Variants in SPATA13 observed in about 807,000 individuals in gnomAD.
The protein encoded by SPATA13 is spermatogenesis associated 13, also known as spermatogenesis-associated protein 13.
In SPATA13, 50 loss-of-function variants were observed where a neutral mutation model predicts 104.0. The observed-to-expected ratio is 0.48, with a 90% CI of 0.38 to 0.61. The LOEUF is 0.61. Among genes scored for constraint, SPATA13 ranks in the 20% least tolerant of loss-of-function variants. The probability of loss-of-function intolerance (pLI) is 0.00; values close to 1 mark genes in which losing one functional copy is unlikely to be tolerated. For missense variants in SPATA13, 1,524 were observed against 1,690.6 expected (o/e 0.90, Z 1.73); for synonymous variants, 606 against 667.5 (o/e 0.91, Z 1.42).
chr13:24,029,345 A>G (rs892815720), intron 3 of SPATA13, among the ~76,000 whole-genome samples: 3 of 150,868 alleles, frequency 2.0e-5, no homozygotes, highest in South Asian at 4.2e-4. Flanking sequence ...TCTATTTAAT[A>G]TAAACATTTT....
intron 3 of SPATA13, among the ~76,000 whole-genome samples, chr13:24,078,955 C>T (rs935570277): frequency 6.6e-6 from 1 of 152,212 alleles, no homozygotes; most frequent in African/African-American, 2.4e-5. Flanking sequence ...GAAAAACAGA[C>T]AACTGTATCA....
At chr13:24,184,644 A>G (rs781511804) in intron 1 of SPATA13, among the ~76,000 whole-genome samples, 4 of 152,156 alleles carry the variant, frequency 2.6e-5, no homozygotes, top group Non-Finnish European at 5.9e-5. Flanking sequence ...CACTAATCAC[A>G]GTGAGGAGTT....
In SPATA13 at chr13:24,297,740, G is replaced by A; in HGVS notation, c.3583+5G>A. The stretch of plus-strand genomic sequence containing the variant: ...TGCAAGAGGACAAGGAGATGGGTGA[G>A]CAGCCCTTGGCTCTGCAGGCACCTG... On this transcript the variant is annotated splice_donor_5th_base_variant and intron_variant, in intron 11 of 12. Transcript: ENST00000382108. The A allele has an allele frequency of 6.2e-7, 1 of 1,603,092 alleles. No individual in the cohort carries two copies. The highest frequency in any genetic ancestry group is 1.1e-5 in the South Asian group (1 of 90,130).
At position 24,223,270 on chromosome 13, in the gene SPATA13, T is replaced by A. The variant is rs1871710101; in HGVS notation, c.341T>A (p.Phe114Tyr). The A allele has an allele frequency of 5.8e-6, 9 of 1,551,610 alleles. No homozygotes were observed. Among genetic ancestry groups the A allele is most frequent in the Non-Finnish European group, 7.0e-6 (8 of 1,146,982 alleles). Residue 114 changes from phenylalanine to tyrosine, a missense_variant, in exon 2 of 13, where the codon TTT (phenylalanine) becomes TAT (tyrosine). By Grantham distance (22) the Phe-to-Tyr change is conservative (BLOSUM62 3). Around this residue, in one of 2 missense-constraint regions of SPATA13, gnomAD observed 1,089 missense variants for 1,135.9 expected, o/e 0.96. Coordinates refer to ENST00000382108, the MANE Select transcript of SPATA13 (RefSeq NM_001166271.3). ...TLASFRKMGS[F>Y]KKLKSSVLKG... ...GCCTCCTTCCGGAAAATGGGATCCT[T>A]TAAGAAACTGAAGTCCTCAGTCCTG...
At chr13:23,990,060 A>T (rs964214489) in intron 2 of SPATA13, among the ~76,000 whole-genome samples, 25 of 152,176 alleles carry the variant, frequency 1.6e-4, no homozygotes, top group African/African-American at 5.8e-4. Context: ...GAGTAAGACA[A>T]CTGCCAACCA....
intron 1 of SPATA13, among the ~76,000 whole-genome samples, chr13:24,219,521 G>A (rs1430030995): frequency 6.6e-6 from 1 of 152,244 alleles, no homozygotes; most frequent in Non-Finnish European, 1.5e-5. Flanking sequence ...AGACAAGGCA[G>A]GATAACTGAT....
rs564819674 is a variant in SPATA13, at chr13:24,249,472, G to A, written c.1654-5G>A. 3 of 1,541,382 alleles carry A rather than the reference G, an allele frequency of 1.9e-6. No homozygotes were observed. The highest frequency in any genetic ancestry group is 2.8e-5 in the African/African-American group (2 of 72,640). ...GAGCTCACCTGACCTGTTCGCATTT[G>A]AAAGGTCGTCCCTGATGGCCCCTGG... On this transcript the variant is annotated splice_region_variant and splice_polypyrimidine_tract_variant and intron_variant, in intron 2 of 12. Transcript: ENST00000382108.
At chr13:24,249,377 C>T in intron 2 of SPATA13, 100 bp from the exon 3 acceptor site, 2 of 1,388,240 alleles carry the variant, frequency 1.4e-6, no homozygotes, top group Non-Finnish European at 1.9e-6. Flanking sequence ...ATCAAGAAAA[C>T]CCGAGGCACG....
chr13:24,119,742 T>G (rs561882347), intron 3 of SPATA13, among the ~76,000 whole-genome samples: 9 of 152,290 alleles, frequency 5.9e-5, no homozygotes, highest in Admixed American at 3.9e-4. Context: ...CTGTAAACAA[T>G]TCAGGATTCC....
At chr13:24,089,062 C>G (rs181835995) in intron 3 of SPATA13, among the ~76,000 whole-genome samples, 82 of 152,298 alleles carry the variant, frequency 5.4e-4, no homozygotes, top group African/African-American at 2.0e-3. Flanking sequence ...CAAGACAACT[C>G]AATTGGCAGT....
chr13:24,129,425 A>G (rs1412913681), intron 3 of SPATA13, among the ~76,000 whole-genome samples: 1 of 152,210 alleles, frequency 6.6e-6, no homozygotes, highest in African/African-American at 2.4e-5. Flanking sequence ...ATCGTTGAGG[A>G]TGTGAGAAAA....
At chr13:24,284,099 G>A in intron 4 of SPATA13, 36 bp from the exon 5 acceptor site, 2 of 1,574,258 alleles carry the variant, frequency 1.3e-6, no homozygotes, top group East Asian at 2.3e-5. Context: ...TGTTAGCTGT[G>A]TCTTTTAAAT....
At chr13:24,260,793 T>C (rs9511169) in intron 4 of SPATA13, among the ~76,000 whole-genome samples, 136,140 of 152,290 alleles carry the variant, frequency 0.89, 61,293 homozygotes, top group East Asian at 1. Context: ...TCATAGCGGA[T>C]GCATATGGGT....
chr13:24,072,666 T>A lies in SPATA13; in HGVS notation c.-112+54965T>A, dbSNP rs1879204513. ...TTCATTGAATCTGCCTTCTGGGCCATCACCAGTGACCTGCTTGCCAAACCA... is the reference window on the plus strand; with the variant it reads ...TTCATTGAATCTGCCTTCTGGGCCAACACCAGTGACCTGCTTGCCAAACCA... On this transcript the variant is annotated intron_variant, in intron 3 of 14. Coordinates refer to the SPATA13 transcript ENST00000424834. 2.0e-5 allele frequency among the ~76,000 whole-genome samples: 3 copies of A among 152,170 alleles called. No homozygotes were observed. In the South Asian group the frequency reaches 6.2e-4, roughly 31 times the overall value.
chr13:24,173,301 G>C (rs1261943882), intron 1 of SPATA13, among the ~76,000 whole-genome samples: 1 of 151,108 alleles, frequency 6.6e-6, no homozygotes, highest in African/African-American at 2.4e-5. Flanking sequence ...ATAGACAATT[G>C]ATTTTTAAAA....
At chr13:24,220,669 G>C (rs1473723351) in intron 1 of SPATA13, among the ~76,000 whole-genome samples, 1 of 152,176 alleles carries the variant, frequency 6.6e-6, no homozygotes, top group African/African-American at 2.4e-5. Flanking sequence ...TCCTCCATTA[G>C]AACATTAAAC....
intron 2 of SPATA13, among the ~76,000 whole-genome samples, chr13:24,003,445 A>G (rs1445327429): frequency 6.6e-6 from 1 of 152,236 alleles, no homozygotes; most frequent in Non-Finnish European, 1.5e-5. Flanking sequence ...TGTCTTCATG[A>G]GGAACCTGAA....
intron 3 of SPATA13, among the ~76,000 whole-genome samples, chr13:24,028,471 G>A (rs114213475): frequency 1.8e-3 from 278 of 152,306 alleles, no homozygotes; most frequent in African/African-American, 6.3e-3. Context: ...CTTGGTTGCA[G>A]TTGTGATGTC....
intron 2 of SPATA13, among the ~76,000 whole-genome samples, chr13:24,242,068 A>G (rs1872866522): frequency 6.6e-6 from 1 of 152,140 alleles, no homozygotes; most frequent in Non-Finnish European, 1.5e-5. Flanking sequence ...AAATGAAAAA[A>G]GAAAAGAAAG....
Sources: allele counts gnomAD v4.1 joint callset (sites outside exome capture counted in the v4.1 genomes callset), GRCh38; gene constraint gnomAD v4.1.1; regional missense constraint gnomAD v4.1.1; transcripts MANE v1.5; gene names NCBI Gene and HGNC (gene_info 2026-07-23, HGNC 2026-07-21).